The following LRP1B variants were observed in gnomAD, a reference collection of about 807,000 sequenced individuals.
The protein encoded by LRP1B is low-density lipoprotein receptor-related protein 1B.
Under a neutral mutation model 556.6 loss-of-function variants are expected in LRP1B, and 217 were observed. The ratio of observed to expected loss-of-function variants is 0.39; its 90% CI spans 0.35 to 0.44. The LOEUF (loss-of-function observed/expected upper bound fraction) is 0.44, where lower values mean the gene tolerates loss of function less well. LRP1B is among the 20% of genes least tolerant of loss of function. LRP1B has a pLI of 1.00. For synonymous variants in LRP1B, 2,047 were observed against 1,865.8 expected (o/e 1.10, Z -2.50); for missense variants, 5,053 against 5,620.8 (o/e 0.90, Z 3.23).
At chr2:141,911,031 C>T (rs1201291413) in intron 1 of LRP1B, among the ~76,000 whole-genome samples, 2 of 152,004 alleles carry the variant, frequency 1.3e-5, no homozygotes, top group African/African-American at 2.4e-5. Context: ...TATACACATG[C>T]AGTTCTGTAT....
chr2:141,720,941 A>G (rs1282229920), intron 2 of LRP1B, among the ~76,000 whole-genome samples: 1 of 152,136 alleles, frequency 6.6e-6, no homozygotes, highest in Non-Finnish European at 1.5e-5. Context: ...TTGCATTAAG[A>G]TCATTGAAAG....
rs565958170 is a variant in LRP1B, at chr2:141,209,103, A to G, written c.850+20080T>C. 3.5e-4 allele frequency among the ~76,000 whole-genome samples: 53 copies of G among 152,196 alleles called. 1 individual carries two copies. The highest frequency in any genetic ancestry group is 6.8e-3 in the Middle Eastern group (2 of 294). On this transcript the variant is annotated intron_variant, in intron 6 of 90. Transcript: ENST00000389484. ...ACAGACACAGCACTACAATAACAAG[A>G]AAGTATTCAGTACTCAAATAAAATA...
chr2:141,158,288 G>A (rs1329169081), intron 7 of LRP1B, among the ~76,000 whole-genome samples: 1 of 152,104 alleles, frequency 6.6e-6, no homozygotes, highest in East Asian at 1.9e-4. Context: ...GCAGCACTGT[G>A]TAATTTGAAG....
chr2:141,473,044 T>C (rs200072911), intron 3 of LRP1B, among the ~76,000 whole-genome samples: 1 of 48,350 alleles, frequency 2.1e-5, no homozygotes, highest in Non-Finnish European at 5.5e-5. Context: ...ATTTACTTAG[T>C]TAGCTAGCTG....
chr2:140,811,329 T>A (rs903939090), intron 32 of LRP1B, among the ~76,000 whole-genome samples: 1 of 152,090 alleles, frequency 6.6e-6, no homozygotes, highest in Non-Finnish European at 1.5e-5. Flanking sequence ...CATTTTTTGA[T>A]ACTATATTTA....
chr2:142,064,177 T>C (rs1705017433), intron 1 of LRP1B, among the ~76,000 whole-genome samples: 1 of 151,562 alleles, frequency 6.6e-6, no homozygotes, highest in African/African-American at 2.4e-5. Context: ...ATATTTTGAA[T>C]TATTTTTTAC....
chr2:140,976,156 G>A (rs1423222303), intron 18 of LRP1B, among the ~76,000 whole-genome samples: 1 of 152,028 alleles, frequency 6.6e-6, no homozygotes, highest in Non-Finnish European at 1.5e-5. Flanking sequence ...CTGGGCTCAA[G>A]TGATCCACCT....
intron 1 of LRP1B, among the ~76,000 whole-genome samples, chr2:142,067,294 C>G (rs1705142660): frequency 6.6e-6 from 1 of 151,190 alleles, no homozygotes. Context: ...CCCTAGGACC[C>G]AGATATCTTT....
intron 35 of LRP1B, among the ~76,000 whole-genome samples, chr2:140,729,760 A>T (rs1183476028): frequency 6.6e-6 from 1 of 152,154 alleles, no homozygotes; most frequent in Admixed American, 6.5e-5. Context: ...CTCAACCTAT[A>T]TTGGGGGTAC....
intron 43 of LRP1B, among the ~76,000 whole-genome samples, chr2:140,561,949 T>C (rs1320292771): frequency 6.6e-6 from 1 of 152,082 alleles, no homozygotes; most frequent in Non-Finnish European, 1.5e-5. Context: ...ATTAATGTAA[T>C]TTACTATATA....
intron 17 of LRP1B, among the ~76,000 whole-genome samples, chr2:140,985,708 C>T (rs1696900404): frequency 6.6e-6 from 1 of 151,898 alleles, no homozygotes; most frequent in Admixed American, 6.6e-5. Flanking sequence ...ATTCACTTCG[C>T]CGCATCCTGG....
intron 1 of LRP1B, among the ~76,000 whole-genome samples, chr2:141,831,496 T>C (rs898443521): frequency 6.6e-6 from 1 of 151,644 alleles, no homozygotes; most frequent in African/African-American, 2.4e-5. Context: ...CATTTTTCAA[T>C]TGTCTACCTT....
intron 5 of LRP1B, among the ~76,000 whole-genome samples, chr2:141,235,004 A>C (rs957832293): frequency 6.6e-6 from 1 of 152,102 alleles, no homozygotes; most frequent in Non-Finnish European, 1.5e-5. Flanking sequence ...TTTTAACAAA[A>C]AAGCTCTTTA....
At chr2:141,108,575 C>T (rs66986873) in intron 7 of LRP1B, among the ~76,000 whole-genome samples, 34,707 of 151,650 alleles carry the variant, frequency 0.23, 4,555 homozygotes, top group East Asian at 0.5. Flanking sequence ...GTCTTGAACT[C>T]CTGACCTCAG....
At chr2:141,838,179 A>G (rs768887167) in intron 1 of LRP1B, among the ~76,000 whole-genome samples, 6 of 152,122 alleles carry the variant, frequency 3.9e-5, no homozygotes, top group African/African-American at 9.7e-5. Flanking sequence ...ATAATAATCT[A>G]TAACGTAAGC....
At chr2:141,260,849 A>G (rs1684656078) in intron 3 of LRP1B, among the ~76,000 whole-genome samples, 1 of 152,236 alleles carries the variant, frequency 6.6e-6, no homozygotes, top group Non-Finnish European at 1.5e-5. Context: ...TATCTGCGAT[A>G]TCATTTTACA....
intron 3 of LRP1B, among the ~76,000 whole-genome samples, chr2:141,418,404 T>C (rs1679999390): frequency 6.6e-6 from 1 of 151,954 alleles, no homozygotes; most frequent in Non-Finnish European, 1.5e-5. Flanking sequence ...TGGAGTTGAT[T>C]TTTGTGTAGT....
chr2:140,315,063 C>A lies in LRP1B; in HGVS notation c.12677G>T (p.Arg4226Ile). 6.2e-7 allele frequency: 1 copy of A among 1,610,726 alleles called. No homozygotes were observed. Among genetic ancestry groups the A allele is most frequent in the Non-Finnish European group, 8.5e-7 (1 of 1,178,192 alleles). ...SCKLTCENGGRCILNEKGDLR... is the reference protein window; with the variant it reads ...SCKLTCENGGICILNEKGDLR... ...ATCACCTTTCTCATTTAAAATGCAT[C>A]TTCCTCCATTTTCACAAGTTAACTT... Residue 4226 changes from arginine to isoleucine, a missense_variant, in exon 83 of 91, where the codon AGA becomes ATA. Physicochemically the swap from Arg to Ile is moderately conservative, Grantham distance 97. This residue lies in a region of LRP1B where 551 missense variants were observed against 592.0 expected (regional missense o/e 0.93). Transcript: ENST00000389484.
intron 41 of LRP1B, among the ~76,000 whole-genome samples, chr2:140,640,716 C>T (rs1242213863): frequency 6.6e-6 from 1 of 152,052 alleles, no homozygotes; most frequent in Admixed American, 6.5e-5. Flanking sequence ...TCAAAAAAAC[C>T]TATAACCATC....
Sources: gnomAD v4.1 joint callset for allele counts (sites outside exome capture counted in the v4.1 genomes callset) on GRCh38, gnomAD v4.1.1 for gene constraint, gnomAD v4.1.1 regional missense constraint, MANE v1.5 for transcripts, NCBI Gene and HGNC (gene_info 2026-07-23, HGNC 2026-07-21) for gene names.